Variants in RPTOR observed in about 807,000 individuals in gnomAD.
RPTOR encodes regulatory associated protein of MTOR complex 1.
A neutral mutation model predicts 169.9 loss-of-function variants in RPTOR; 21 were observed. The observed-to-expected ratio is 0.12, with a 90% CI of 0.09 to 0.18. RPTOR has a LOEUF of 0.18. RPTOR is among the 10% of genes least tolerant of loss of function. The pLI is 1.00. For synonymous variants in RPTOR, 732 were observed against 753.2 expected (o/e 0.97, Z 0.46); for missense variants, 1,133 against 1,855.9 (o/e 0.61, Z 7.16).
chr17:80,667,038 A>T (rs1358453913), intron 3 of RPTOR, among the ~76,000 whole-genome samples: 1 of 152,182 alleles, frequency 6.6e-6, no homozygotes. Context: ...ACACTGATTC[A>T]TCAGGGCCTG....
At chr17:80,867,863 G>A (rs2143789213) in intron 13 of RPTOR, among the ~76,000 whole-genome samples, 1 of 152,150 alleles carries the variant, frequency 6.6e-6, no homozygotes, top group Admixed American at 6.5e-5. Context: ...AAGAAATGAA[G>A]GAAGACCTAA....
chr17:80,751,910 C>T (rs2316056), intron 5 of RPTOR, among the ~76,000 whole-genome samples: 56,508 of 152,114 alleles, frequency 0.37, 11,249 homozygotes, highest in East Asian at 0.56. Flanking sequence ...CTTGTTGTTC[C>T]ACATCCCCAG....
chr17:80,700,375 GGTGGTGGTGATGGTGGTA>G (rs1185463798), intron 3 of RPTOR, among the ~76,000 whole-genome samples: 1 of 150,640 alleles, frequency 6.6e-6, no homozygotes, highest in Non-Finnish European at 1.5e-5. Context: ...ATAGATAAGT[GGTGGTGGTGATGGTGGTA>G]GTGGTGGTGA....
intron 20 of RPTOR, among the ~76,000 whole-genome samples, chr17:80,907,052 A>G (rs1047921076): frequency 3.9e-5 from 6 of 152,026 alleles, no homozygotes; most frequent in Non-Finnish European, 8.8e-5. Flanking sequence ...CCACGCACAC[A>G]TTGACTTTCG....
chr17:80,585,195 TA>T lies in RPTOR; in HGVS notation c.162+39405del, dbSNP rs1568319716. On this transcript the variant is annotated intron_variant, in intron 1 of 33. Transcript: ENST00000306801. ...TTATTATTATTATTATTATTATTAT[TA>T]TTATTATTTTTGTTTTTTTTTTTCC... Among the ~76,000 whole-genome samples the T allele has an allele frequency of 4.6e-4, 68 of 147,986 alleles. 1 individual carries two copies. The highest frequency in any genetic ancestry group is 1.4e-3 in the African/African-American group (55 of 40,380).
rs1306247131 is a variant in RPTOR at position 80,966,260 on chromosome 17, TTATC to T, written c.*1934_*1937del. ...GAGAGAGCGCCGGCCTAGAGGCTCA[TTATC>T]TATTTATTTTACCAAACGCGAATTG... On this transcript the variant is annotated 3_prime_UTR_variant, in exon 34 of 34. Coordinates refer to ENST00000306801, the MANE Select transcript of RPTOR (RefSeq NM_020761.3). The T allele has an allele frequency of 2.2e-5, 5 of 232,510 alleles. No homozygotes were observed. The highest frequency in any genetic ancestry group is 4.2e-5 in the Non-Finnish European group (5 of 117,660). The allele number at this position is 232,510 out of a possible 1,614,324, so 14.4% of individuals were successfully genotyped here.
At chr17:80,672,786 T>C (rs1374976894) in intron 3 of RPTOR, among the ~76,000 whole-genome samples, 1 of 151,558 alleles carries the variant, frequency 6.6e-6, no homozygotes, top group Non-Finnish European at 1.5e-5. Flanking sequence ...CGAGACTCTG[T>C]CTCAAAAAAC....
chr17:80,841,209 T>A (rs369809390), intron 10 of RPTOR, among the ~76,000 whole-genome samples: 3,492 of 16,100 alleles, frequency 0.22, 63 homozygotes, highest in Admixed American at 0.29. Flanking sequence ...GGCAGCTCAC[T>A]CTCACCGCAC....
chr17:80,855,435 G>A (rs755391849), intron 11 of RPTOR, 29 bp from the exon 12 acceptor site: 2 of 1,561,510 alleles, frequency 1.3e-6, no homozygotes, highest in Admixed American at 1.7e-5. Context: ...ATGGTTTGCA[G>A]TGATACCATT....
At chr17:80,636,523 G>C (rs1290915777) in intron 2 of RPTOR, among the ~76,000 whole-genome samples, 2 of 152,158 alleles carry the variant, frequency 1.3e-5, no homozygotes, top group African/African-American at 4.8e-5. Context: ...ACTGTGTCCT[G>C]TCACGGTGAA....
intron 22 of RPTOR, 98 bp downstream of exon 22, chr17:80,922,925 C>T (rs1489786453): frequency 5.8e-6 from 6 of 1,031,582 alleles, no homozygotes; most frequent in South Asian, 2.9e-5. Flanking sequence ...CCTCCTTCCC[C>T]GCCCTGTCTT....
At chr17:80,786,708 G>A (rs527652246) in intron 6 of RPTOR, among the ~76,000 whole-genome samples, 49 of 152,346 alleles carry the variant, frequency 3.2e-4, no homozygotes, top group African/African-American at 1.2e-3. Flanking sequence ...GGTAGTCTGA[G>A]ACTCAGCTGC....
intron 3 of RPTOR, among the ~76,000 whole-genome samples, chr17:80,692,793 T>C (rs544518499): frequency 1.9e-4 from 29 of 152,332 alleles, no homozygotes; most frequent in Admixed American, 4.6e-4. Context: ...TAATTTTGCT[T>C]TGTAGTTATG....
At position 80,633,049 on chromosome 17, in the gene RPTOR, C is replaced by T. The variant is rs752501512; in HGVS notation, c.265+7256C>T. ...CTGGGCTCAAGTGATCCTCCCACCT[C>T]GGCCTCTTAAAGTGTTGAAATGACC... On this transcript the variant is annotated intron_variant, in intron 2 of 33. Coordinates refer to ENST00000306801, the MANE Select transcript of RPTOR (RefSeq NM_020761.3). The surrounding 1 kb of genome is among the most constrained non-coding windows in gnomAD (Gnocchi z 4.1). Among the ~76,000 whole-genome samples, 15 of 152,136 alleles carry T rather than the reference C, an allele frequency of 9.9e-5. No homozygotes were observed. Among genetic ancestry groups the T allele is most frequent in the Non-Finnish European group, 1.6e-4 (11 of 68,032 alleles).
intron 13 of RPTOR, among the ~76,000 whole-genome samples, chr17:80,876,165 G>C (rs1445627570): frequency 3.4e-5 from 4 of 118,160 alleles, no homozygotes; most frequent in African/African-American, 7.4e-5. Context: ...CACCGAGCCC[G>C]TGCCACGCAG....
intron 24 of RPTOR, among the ~76,000 whole-genome samples, chr17:80,938,226 T>C (rs908269619): frequency 2.6e-5 from 4 of 152,236 alleles, no homozygotes; most frequent in Non-Finnish European, 4.4e-5. Flanking sequence ...CAGTCGTCTT[T>C]GTTGTCTTTG....
intron 20 of RPTOR, among the ~76,000 whole-genome samples, chr17:80,894,382 G>A (rs555706191): frequency 6.6e-6 from 1 of 152,142 alleles, no homozygotes; most frequent in Non-Finnish European, 1.5e-5. Context: ...GCTGGGGGCT[G>A]TCATCCCCGC....
In RPTOR at chr17:80,883,494, C is replaced by G. The variant is rs1271474187; in HGVS notation, c.1650+10C>G. 6.2e-7 allele frequency: 1 copy of G among 1,612,824 alleles called. No homozygotes were observed. ...CTATCACACGGGGCAGGTGAGCCCC[C>G]CAGCCACCCCCAGCCCCAGAGCTCA... On this transcript the variant is annotated intron_variant, in intron 15 of 33. Coordinates refer to ENST00000306801, the MANE Select transcript of RPTOR (RefSeq NM_020761.3).
intron 24 of RPTOR, among the ~76,000 whole-genome samples, chr17:80,930,462 G>GCTCATCCCCAC (rs1567993930): frequency 3.8e-3 from 215 of 56,136 alleles, no homozygotes; most frequent in Admixed American, 5.4e-3. Flanking sequence ...CTCATCCCCA[G>GCTCATCCCCAC]CTCATCCCCA....
Sources: allele counts gnomAD v4.1 joint callset (sites outside exome capture counted in the v4.1 genomes callset), GRCh38; gene constraint gnomAD v4.1.1; non-coding constraint Gnocchi (gnomAD v3.1); transcripts MANE v1.5; gene names NCBI Gene and HGNC (gene_info 2026-07-23, HGNC 2026-07-21).